The following BCAP29 variants were observed in gnomAD, a reference collection of about 807,000 sequenced individuals.
The protein encoded by BCAP29 is B cell receptor associated protein 29, also known as B-cell receptor-associated protein 29.
Under a neutral mutation model 31.8 loss-of-function variants are expected in BCAP29, and 34 were observed. The ratio of observed to expected loss-of-function variants is 1.07; its 90% confidence interval spans 0.81 to 1.42. The LOEUF (loss-of-function observed/expected upper bound fraction) is 1.42, where lower values mean the gene tolerates loss of function less well. Among genes scored for constraint, BCAP29 ranks in the 40% most tolerant of loss-of-function variants. The pLI is 0.00. For synonymous variants in BCAP29, 104 were observed against 91.3 expected, an observed-to-expected ratio of 1.14 and a Z score of -0.79; for missense variants, 314 against 269.2, an observed-to-expected ratio of 1.17 and a Z score of -1.16.
chr7:107,591,949 T>A (rs972630319), intron 3 of BCAP29, among the ~76,000 whole-genome samples: 6 of 151,780 alleles, frequency 4.0e-5, no homozygotes, highest in Non-Finnish European at 7.4e-5. Context: ...TGTGCTTATT[T>A]TTTTTTTAAT....
chr7:107,613,271 A>T, intron 6 of BCAP29, 61 bp from the exon 7 acceptor site: 2 of 1,308,088 alleles, frequency 1.5e-6, no homozygotes, highest in Non-Finnish European at 2.1e-6. Flanking sequence ...TAAGCCTTGT[A>T]ACTTTTCTAT....
At chr7:107,600,174 C>A in intron 5 of BCAP29, 1 of 548,228 alleles carries the variant, frequency 1.8e-6, no homozygotes, top group South Asian at 1.8e-5. Flanking sequence ...TTCTTATGTT[C>A]ATTTTACAGA....
At chr7:107,608,728 CTGAG>C (rs1255772412) in intron 6 of BCAP29, among the ~76,000 whole-genome samples, 15 of 152,094 alleles carry the variant, frequency 9.9e-5, no homozygotes, top group Admixed American at 5.2e-4. Flanking sequence ...TTTGGCTATC[CTGAG>C]TATTTTGGTT....
At chr7:107,605,908 C>T (rs184226736) in intron 6 of BCAP29, among the ~76,000 whole-genome samples, 1 of 152,146 alleles carries the variant, frequency 6.6e-6, no homozygotes, top group African/African-American at 2.4e-5. Context: ...AAACACTAAA[C>T]TATTAATAGT....
chr7:107,621,615 T>G (rs375535508), downstream of BCAP29: 28 of 446,868 alleles, frequency 6.3e-5, no homozygotes, highest in African/African-American at 5.1e-4. Flanking sequence ...TGCAGCTACA[T>G]CTATGCTTAT....
chr7:107,615,952 A>G (rs565512788), intron 7 of BCAP29: 1 of 152,468 alleles, frequency 6.6e-6, no homozygotes, highest in African/African-American at 2.4e-5. Context: ...GAAAGTAACT[A>G]GAAAGTGATA....
chr7:107,618,329 A>T lies in BCAP29; in HGVS notation c.692A>T (p.Asp231Val). 6.3e-7 allele frequency: 1 copy of T among 1,575,056 alleles called. No individual in the cohort carries two copies. Among genetic ancestry groups the T allele is most frequent in the South Asian group, 1.2e-5 (1 of 85,920 alleles). Reference protein sequence around the residue: ...QLLKEHSELQDRLERGNKKRL With the variant: ...QLLKEHSELQVRLERGNKKRL ...TAAATCATATTTTTTTCCTTACAGGATCGTTTAGAAAGAGGCAACAAGAAA... is the reference window on the plus strand; with the variant it reads ...TAAATCATATTTTTTTCCTTACAGGTTCGTTTAGAAAGAGGCAACAAGAAA... Residue 231 changes from aspartate (D) to valine (V), a missense_variant and splice_region_variant, in exon 8 of 8, where the codon GAT (aspartate) becomes GTT (valine). Physicochemically the swap from Asp to Val is radical, Grantham distance 152. Transcript: ENST00000005259.
chr7:107,598,182 A>G (rs1413171105), intron 5 of BCAP29, among the ~76,000 whole-genome samples: 4 of 152,204 alleles, frequency 2.6e-5, no homozygotes, highest in African/African-American at 9.6e-5. Flanking sequence ...CCTGCAACTC[A>G]ATGATTCTCT....
At chr7:107,597,642 A>G (rs1398030038) in intron 5 of BCAP29, among the ~76,000 whole-genome samples, 1 of 152,240 alleles carries the variant, frequency 6.6e-6, no homozygotes, top group Non-Finnish European at 1.5e-5. Context: ...AGATGAGGAA[A>G]TGGAGGCATA....
intron 3 of BCAP29, among the ~76,000 whole-genome samples, chr7:107,590,129 A>T (rs1808451433): frequency 6.6e-6 from 1 of 152,222 alleles, no homozygotes; most frequent in South Asian, 2.1e-4. Flanking sequence ...CCATTAAAGC[A>T]CTGCTTAAAG....
chr7:107,592,444 T>C (rs1809045423), intron 3 of BCAP29, among the ~76,000 whole-genome samples: 1 of 152,210 alleles, frequency 6.6e-6, no homozygotes, highest in African/African-American at 2.4e-5. Context: ...CAAGTGTTGC[T>C]GAGGATATGG....
intron 6 of BCAP29, among the ~76,000 whole-genome samples, chr7:107,612,410 TATATATATATATATATATA>T (rs1563141284): frequency 0.013 from 566 of 43,288 alleles, 31 homozygotes; most frequent in South Asian, 0.096. Flanking sequence ...TATATATATA[TATATATATATATATATATA>T]TATATATATA....
At chr7:107,608,537 GCTTAT>G (rs940469062) in intron 6 of BCAP29, among the ~76,000 whole-genome samples, 3 of 151,812 alleles carry the variant, frequency 2.0e-5, no homozygotes, top group Non-Finnish European at 4.4e-5. Context: ...GATACTCCAG[GCTTAT>G]CTTGAACATT....
chr7:107,597,489 T>A (rs1810073007), intron 5 of BCAP29, among the ~76,000 whole-genome samples: 1 of 152,216 alleles, frequency 6.6e-6, no homozygotes, highest in Non-Finnish European at 1.5e-5. Context: ...ATCACCTATG[T>A]TAATGGGCCT....
chr7:107,590,250 AT>A (rs1288320404), intron 3 of BCAP29, among the ~76,000 whole-genome samples: 2 of 152,180 alleles, frequency 1.3e-5, no homozygotes, highest in East Asian at 3.8e-4. Context: ...AGTGAAAAAA[AT>A]AATATTCACT....
At chr7:107,590,440 A>G (rs1412579058) in intron 3 of BCAP29, among the ~76,000 whole-genome samples, 1 of 152,224 alleles carries the variant, frequency 6.6e-6, no homozygotes, top group Non-Finnish European at 1.5e-5. Flanking sequence ...CAGGGTAATA[A>G]TAAGTCATGA....
intron 5 of BCAP29, among the ~76,000 whole-genome samples, chr7:107,598,675 A>G (rs1322571493): frequency 2.0e-5 from 3 of 149,658 alleles, no homozygotes; most frequent in Non-Finnish European, 3.0e-5. Context: ...ATTGGCTTAC[A>G]TTAGAAAATG....
chr7:107,589,136 T>G (rs1178839779), intron 3 of BCAP29, among the ~76,000 whole-genome samples: 1 of 152,172 alleles, frequency 6.6e-6, no homozygotes, highest in Non-Finnish European at 1.5e-5. Flanking sequence ...CAAGCCTCTC[T>G]AAACAGCTGT....
intron 4 of BCAP29, 54 bp downstream of exon 4, chr7:107,594,159 C>A: frequency 1.3e-6 from 2 of 1,486,280 alleles, no homozygotes; most frequent in South Asian, 2.4e-5. Context: ...TTATGCTTTC[C>A]TTTCTCATTT....
Sources: gnomAD v4.1 joint callset for allele counts (sites outside exome capture counted in the v4.1 genomes callset) on GRCh38, gnomAD v4.1.1 for gene constraint, MANE v1.5 for transcripts, NCBI Gene and HGNC (gene_info 2026-07-23, HGNC 2026-07-21) for gene names.